Variants in IPO5 observed in about 807,000 individuals in gnomAD.
IPO5 encodes the protein importin 5, also known as importin-5.
Under a neutral mutation model 143.3 loss-of-function variants are expected in IPO5, and 18 were observed. The ratio of observed to expected loss-of-function variants is 0.13; its 90% CI spans 0.09 to 0.19. IPO5 has a LOEUF of 0.19. Among genes scored for constraint, IPO5 ranks in the 10% least tolerant of loss-of-function variants. The pLI, the probability that IPO5 is intolerant of heterozygous loss-of-function variation, is 1.00. For synonymous variants in IPO5, 477 were observed against 465.7 expected (o/e 1.02, Z -0.31); for missense variants, 1,013 against 1,336.9 (o/e 0.76, Z 3.78).
At chr13:97,967,273 T>C (rs1281323427) in intron 2 of IPO5, among the ~76,000 whole-genome samples, 1 of 152,160 alleles carries the variant, frequency 6.6e-6, no homozygotes, top group Non-Finnish European at 1.5e-5. Flanking sequence ...AGTATTTGAG[T>C]CTCCTCTTTT....
At chr13:97,988,947 G>T in intron 6 of IPO5, 115 bp from the exon 7 acceptor site, 3 of 512,970 alleles carry the variant, frequency 5.8e-6, no homozygotes, top group Middle Eastern at 3.9e-4. Flanking sequence ...AATAGCAAAA[G>T]TGACATTTTT....
chr13:98,000,137 T>C (rs1888639334), intron 12 of IPO5, among the ~76,000 whole-genome samples: 1 of 152,018 alleles, frequency 6.6e-6, no homozygotes, highest in Non-Finnish European at 1.5e-5. Flanking sequence ...ACAAAAAAAT[T>C]AGCCAGGCGT....
chr13:97,988,609 C>G (rs1324829705), intron 6 of IPO5, among the ~76,000 whole-genome samples: 1 of 152,130 alleles, frequency 6.6e-6, no homozygotes, highest in African/African-American at 2.4e-5. Flanking sequence ...CCATCATGGC[C>G]AAACCTCGTC....
Position 98,023,563 on chromosome 13 carries a change from C to G in IPO5, c.*1741C>G, listed in dbSNP as rs1890610708. The stretch of plus-strand genomic sequence containing the variant: ...GCAGAATTTCAGATGACAGTGTGGT[C>G]AGAAGATGTTTTTTGGGAGAACCTA... On this transcript the variant is annotated 3_prime_UTR_variant, in exon 29 of 29. Coordinates refer to ENST00000651721, the MANE Select transcript of IPO5 (RefSeq NM_002271.6). 1 of 152,080 alleles carries G rather than the reference C, an allele frequency of 6.6e-6. No homozygotes were observed. The highest frequency in any genetic ancestry group is 2.1e-4 in the South Asian group (1 of 4,816). 9.4% of individuals were successfully genotyped at this position (152,080 alleles called of 1,614,324 possible). A position where few individuals can be genotyped will look rare whatever the true frequency, so the allele number is the denominator to read the frequency against.
chr13:97,972,218 G>A lies in IPO5; in HGVS notation c.-5+2388G>A, dbSNP rs376177666. On this transcript the variant is annotated intron_variant, in intron 3 of 28. Coordinates refer to ENST00000651721, the MANE Select transcript of IPO5 (RefSeq NM_002271.6). ...CACTTGGGAGAATCTTATGTTATTT[G>A]CATTCAGCACTCTGCAAACCAGAAA... 4.6e-3 allele frequency among the ~76,000 whole-genome samples: 693 copies of A among 152,240 alleles called. 4 individuals are homozygous for A. Among genetic ancestry groups the A allele is most frequent in the African/African-American group, 0.016 (660 of 41,528 alleles).
Position 97,969,173 on chromosome 13 carries a change from A to ATTTT in IPO5, c.-112-549_-112-548insTTTT, listed in dbSNP as rs1363779886. Among the ~76,000 whole-genome samples, 200 of 70,090 alleles carry ATTTT rather than the reference A, an allele frequency of 2.9e-3. 3 individuals are homozygous for ATTTT. Among genetic ancestry groups the ATTTT allele is most frequent in the African/African-American group, 9.4e-3 (140 of 14,886 alleles). 46.0% of individuals were successfully genotyped at this position (70,090 alleles called of 152,430 possible). On this transcript the variant is annotated intron_variant, in intron 2 of 28. Coordinates refer to ENST00000651721, the MANE Select transcript of IPO5 (RefSeq NM_002271.6). ...GCTAAGTATATATATATATATATAT[A>ATTTT]TATTTTTTTTTTTTTTTTTTTTTTT...
chr13:97,987,283 AGT>A (rs1248895845), intron 6 of IPO5: 3 of 151,828 alleles, frequency 2.0e-5, no homozygotes, highest in African/African-American at 4.9e-5. Context: ...GGGATTTATA[AGT>A]GTGGTTGTAA....
rs59658983 is a variant in IPO5 at position 98,012,801 on chromosome 13, A to ATTTTTTTTTTTTTTTTTTTT, written c.2152+466_2152+485dup. On this transcript the variant is annotated intron_variant, in intron 21 of 28. Coordinates refer to ENST00000651721, the MANE Select transcript of IPO5 (RefSeq NM_002271.6). ...ACAACACCAAGCCCAGCTAGATTTG[A>ATTTTTTTTTTTTTTTTTTTT]TTTTTTTTTTTTTTTTTTTTTTTTT... 5.5e-5 allele frequency among the ~76,000 whole-genome samples: 6 copies of ATTTTTTTTTTTTTTTTTTTT among 109,158 alleles called. 1 individual carries two copies. The highest frequency in any genetic ancestry group is 8.2e-4 in the East Asian group (2 of 2,432). 71.6% of individuals were successfully genotyped at this position (109,158 alleles called of 152,430 possible).
chr13:98,019,677 A>G lies in IPO5; in HGVS notation c.2933A>G (p.Lys978Arg). Residue 978 changes from lysine to arginine, a missense_variant, in exon 27 of 29, where the codon AAA becomes AGA. Lys to Arg is a conservative substitution (Grantham distance 26). Coordinates refer to ENST00000651721, the MANE Select transcript of IPO5 (RefSeq NM_002271.6). Reference sequence around the variant, plus strand: ...GAGAACTGCATCTCAGCAGTAGGGAAAATCATGAAGTTCAAGCCTGACTGT... The same window carrying G: ...GAGAACTGCATCTCAGCAGTAGGGAGAATCATGAAGTTCAAGCCTGACTGT... ...ATENCISAVG[K>R]IMKFKPDCVN... 5 of 1,614,140 alleles carry G rather than the reference A, an allele frequency of 3.1e-6. No homozygotes were observed. Among genetic ancestry groups the G allele is most frequent in the Non-Finnish European group, 4.2e-6 (5 of 1,179,962 alleles).
chr13:98,019,845 T>C, intron 27 of IPO5, 36 bp downstream of exon 27: 1 of 1,388,988 alleles, frequency 7.2e-7, no homozygotes, highest in Non-Finnish European at 1.0e-6. Flanking sequence ...TTCCTTCTCC[T>C]CCACAGTGCT....
intron 2 of IPO5, among the ~76,000 whole-genome samples, chr13:97,969,175 AT>A (rs60300496): frequency 0.012 from 539 of 43,812 alleles, 1 homozygote; most frequent in East Asian, 0.014. Context: ...ATATATATAT[AT>A]TTTTTTTTTT....
intron 11 of IPO5, among the ~76,000 whole-genome samples, chr13:97,997,268 C>T (rs1888374999): frequency 6.6e-6 from 1 of 152,124 alleles, no homozygotes; most frequent in African/African-American, 2.4e-5. Context: ...TTGCTTCTTA[C>T]CTCTGGTGAT....
Position 98,000,633 on chromosome 13 carries a change from A to G in IPO5, c.1096A>G (p.Met366Val), listed in dbSNP as rs1888687512. 1 of 1,612,664 alleles carries G rather than the reference A, an allele frequency of 6.2e-7. No individual in the cohort carries two copies. Among genetic ancestry groups the G allele is most frequent in the Non-Finnish European group, 8.5e-7 (1 of 1,178,654 alleles). Residue 366 changes from methionine to valine, a missense_variant, in exon 13 of 29, where the codon ATG (methionine) becomes GTG (valine). Met to Val is a conservative substitution (Grantham distance 21). Around this residue, in one of 2 missense-constraint regions of IPO5, gnomAD observed 685 missense variants for 994.9 expected, o/e 0.69. Coordinates refer to ENST00000651721, the MANE Select transcript of IPO5 (RefSeq NM_002271.6). Reference sequence around the variant, plus strand: ...GATGATCAAGGAACACATTATGCAAATGCTTCAAAATCGTAAGCTGTGTCC... The same window carrying G: ...GATGATCAAGGAACACATTATGCAAGTGCTTCAAAATCGTAAGCTGTGTCC... The part of the protein sequence containing the change: ...LPMIKEHIMQ[M>V]LQNPDWKYRH...
intron 21 of IPO5, among the ~76,000 whole-genome samples, chr13:98,013,678 T>C (rs1361283954): frequency 1.3e-5 from 2 of 152,166 alleles, no homozygotes; most frequent in Admixed American, 1.3e-4. Flanking sequence ...TCCTCGGTGG[T>C]CTTTTTCAGG....
chr13:98,002,631 AGCT>A lies in IPO5; in HGVS notation c.1233+41_1233+43del, dbSNP rs139590074. ...ATATTTGATTCAAAATGATTAGTGT[AGCT>A]TCATGTGGAAACCTTCTTGCTTTTA... is the stretch of plus-strand genomic sequence containing the variant. On this transcript the variant is annotated intron_variant, in intron 14 of 28. Transcript: ENST00000651721. 1.4e-3 allele frequency: 2,248 copies of A among 1,609,430 alleles called. 34 individuals carry two copies. In the African/African-American group the frequency reaches 0.026, roughly 18 times the overall value.
chr13:98,020,863 A>G (rs1890440134), intron 27 of IPO5, 129 bp from the exon 28 acceptor site: 1 of 664,294 alleles, frequency 1.5e-6, no homozygotes, highest in South Asian at 2.0e-5. Flanking sequence ...GAAAGAAACT[A>G]AAGAGTTCAT....
intron 6 of IPO5, among the ~76,000 whole-genome samples, chr13:97,986,719 AT>A (rs1306080633): frequency 5.3e-5 from 8 of 152,238 alleles, no homozygotes; most frequent in Non-Finnish European, 5.9e-5. Context: ...TCATAAAAAA[AT>A]GCATTTTACT....
intron 2 of IPO5, among the ~76,000 whole-genome samples, chr13:97,961,853 G>C (rs1322977803): frequency 2.0e-5 from 3 of 152,118 alleles, no homozygotes; most frequent in African/African-American, 4.8e-5. Flanking sequence ...TTGTGGCCAG[G>C]CGCAGTGGCT....
chr13:97,988,156 T>C (rs889598583), intron 6 of IPO5: 1 of 160,424 alleles, frequency 6.2e-6, no homozygotes, highest in Non-Finnish European at 1.4e-5. Flanking sequence ...GTCTTATAAG[T>C]GGCACAGTAG....
Sources: gnomAD v4.1 joint callset for allele counts (sites outside exome capture counted in the v4.1 genomes callset) on GRCh38, gnomAD v4.1.1 for gene constraint, gnomAD v4.1.1 regional missense constraint, MANE v1.5 for transcripts, NCBI Gene and HGNC (gene_info 2026-07-23, HGNC 2026-07-21) for gene names.